The following LRRC20 variants were observed in gnomAD, a reference collection of about 807,000 sequenced individuals.
LRRC20 encodes the protein leucine rich repeat containing 20.
A neutral mutation model predicts 14.4 loss-of-function variants in LRRC20; 11 were observed. The ratio of observed to expected loss-of-function variants is 0.77; its 90% CI spans 0.48 to 1.27. The LOEUF (loss-of-function observed/expected upper bound fraction) is 1.27, where lower values mean the gene tolerates loss of function less well. Ranked by LOEUF, LRRC20 falls within the 50% of genes most tolerant of loss-of-function variation. The pLI is 0.00. For synonymous variants in LRRC20, 121 were observed against 107.3 expected (o/e 1.13, Z -0.79); for missense variants, 219 against 251.2 (o/e 0.87, Z 0.87).
chr10:70,328,809 T>G (rs963140064), intron 3 of LRRC20, among the ~76,000 whole-genome samples: 1 of 152,038 alleles, frequency 6.6e-6, no homozygotes, highest in Non-Finnish European at 1.5e-5. Flanking sequence ...TCCCAGCTAC[T>G]TGGGAGGCTG....
intron 2 of LRRC20, among the ~76,000 whole-genome samples, chr10:70,371,968 G>C (rs2170125): frequency 0.99 from 150,578 of 152,212 alleles, 74,506 homozygotes; most frequent in East Asian, 1. Context: ...GGGTTACTTG[G>C]CTGAGTAAGG....
intron 2 of LRRC20, among the ~76,000 whole-genome samples, chr10:70,347,540 C>T (rs1385699450): frequency 2.0e-5 from 3 of 152,196 alleles, no homozygotes; most frequent in East Asian, 1.9e-4. Flanking sequence ...ATACAAGTGC[C>T]GGGCACGGTG....
chr10:70,335,619 AG>A (rs1299007069), intron 3 of LRRC20, among the ~76,000 whole-genome samples: 1 of 152,094 alleles, frequency 6.6e-6, no homozygotes, highest in Non-Finnish European at 1.5e-5. Flanking sequence ...TCTCCCTGCT[AG>A]GATGCTTCTC....
intron 4 of LRRC20, among the ~76,000 whole-genome samples, chr10:70,304,496 A>ATATATATATATATATATATT (rs1841340159): frequency 9.4e-6 from 1 of 106,814 alleles, no homozygotes; most frequent in Non-Finnish European, 1.9e-5. Context: ...ATATATATAT[A>ATATATATATATATATATATT]TATATATATA....
chr10:70,333,835 G>A (rs377216282), intron 3 of LRRC20, among the ~76,000 whole-genome samples: 1 of 152,208 alleles, frequency 6.6e-6, no homozygotes, highest in South Asian at 2.1e-4. Flanking sequence ...TCCAGTGGTG[G>A]GTTGCACTGA....
Position 70,315,839 on chromosome 10 carries a change from C to T in LRRC20, c.400+8024G>A, listed in dbSNP as rs149089999. Among the ~76,000 whole-genome samples, 1,081 of 152,330 alleles carry T rather than the reference C, an allele frequency of 7.1e-3. 9 individuals carry two copies. The highest frequency in any genetic ancestry group is 0.018 in the South Asian group (85 of 4,830). The stretch of plus-strand genomic sequence containing the variant: ...ATAGATTTGAGGTATCCTCTCATGT[C>T]TTCGTTCAGTGACCCTATGATTAAA... On this transcript the variant is annotated intron_variant, in intron 4 of 4. Coordinates refer to ENST00000446961, the MANE Select transcript of LRRC20 (RefSeq NM_001278212.2).
chr10:70,321,316 C>T (rs927572019), intron 4 of LRRC20, among the ~76,000 whole-genome samples: 1 of 152,182 alleles, frequency 6.6e-6, no homozygotes, highest in African/African-American at 2.4e-5. Flanking sequence ...GCCCTACCTT[C>T]GTCGCTGTCA....
At chr10:70,339,463 A>G (rs1426380792) in intron 3 of LRRC20, among the ~76,000 whole-genome samples, 2 of 152,080 alleles carry the variant, frequency 1.3e-5, no homozygotes, top group African/African-American at 2.4e-5. Context: ...GGCAGGTGAG[A>G]GCGCAAGGAG....
In LRRC20 at chr10:70,335,221, C is replaced by A. The variant is rs529160306; in HGVS notation, c.232+5332G>T. Among the ~76,000 whole-genome samples the A allele has an allele frequency of 3.3e-4, 51 of 152,302 alleles. No individual in the cohort carries two copies. The South Asian group carries it at 8.3e-3, about 25-fold the overall frequency. ...AATCAGAGAAAATGAGCCACGAGCCCCAGGGAACTTCTCAACTCCACATTG... is the reference window on the plus strand; with the variant it reads ...AATCAGAGAAAATGAGCCACGAGCCACAGGGAACTTCTCAACTCCACATTG... On this transcript the variant is annotated intron_variant, in intron 3 of 4. Transcript: ENST00000446961.
In LRRC20 at chr10:70,331,939, C is replaced by G. The variant is rs1842552983; in HGVS notation, c.233-7909G>C. On this transcript the variant is annotated intron_variant, in intron 3 of 4. Coordinates refer to ENST00000446961, the MANE Select transcript of LRRC20 (RefSeq NM_001278212.2). ...CTGACTCAGAGGCCTTAGATTAACC[C>G]CAGCTGAGAGAGAAGCTTGCCAATT... is the stretch of plus-strand genomic sequence containing the variant. Among the ~76,000 whole-genome samples the G allele has an allele frequency of 2.0e-5, 3 of 152,336 alleles. No individual in the cohort carries two copies. The South Asian group carries it at 6.2e-4, about 32-fold the overall frequency.
intron 4 of LRRC20, among the ~76,000 whole-genome samples, chr10:70,318,789 T>C (rs1216992217): frequency 6.6e-6 from 1 of 151,818 alleles, no homozygotes; most frequent in Admixed American, 6.6e-5. Flanking sequence ...CTGTATTTAA[T>C]CAATTATTTT....
At chr10:70,344,567 C>T (rs114230216) in intron 2 of LRRC20, among the ~76,000 whole-genome samples, 10,174 of 152,070 alleles carry the variant, frequency 0.067, 1,159 homozygotes, top group African/African-American at 0.23. Context: ...TATTTATTTT[C>T]GTTTTGTTTT....
At chr10:70,350,024 G>A (rs1015009143) in intron 2 of LRRC20, among the ~76,000 whole-genome samples, 3 of 152,216 alleles carry the variant, frequency 2.0e-5, no homozygotes, top group Non-Finnish European at 4.4e-5. Flanking sequence ...ACCCCTCTGG[G>A]ACTCCCTCCT....
chr10:70,347,225 A>G (rs1396868547), intron 2 of LRRC20, among the ~76,000 whole-genome samples: 4 of 152,162 alleles, frequency 2.6e-5, no homozygotes. Context: ...GCTCTTCGTC[A>G]GTGAGGGAAA....
chr10:70,340,509 G>A, intron 3 of LRRC20, 44 bp downstream of exon 3: 1 of 1,611,930 alleles, frequency 6.2e-7, no homozygotes. Flanking sequence ...CCTGAACGAT[G>A]AGAGCTGGCC....
intron 4 of LRRC20, among the ~76,000 whole-genome samples, chr10:70,312,783 G>A (rs1841717733): frequency 6.6e-6 from 1 of 152,182 alleles, no homozygotes. Flanking sequence ...ATGATCTGTG[G>A]GGTGGGACCA....
intron 2 of LRRC20, among the ~76,000 whole-genome samples, chr10:70,356,512 T>C (rs1026131059): frequency 3.4e-5 from 5 of 145,376 alleles, no homozygotes; most frequent in Non-Finnish European, 7.6e-5. Context: ...CCAGACCTTT[T>C]GAGACTTTGT....
At chr10:70,365,746 G>A (rs1041205607) in intron 2 of LRRC20, among the ~76,000 whole-genome samples, 1 of 151,822 alleles carries the variant, frequency 6.6e-6, no homozygotes, top group Non-Finnish European at 1.5e-5. Context: ...TTTTTTAATG[G>A]GCAAAAGATT....
At position 70,340,648 on chromosome 10, in the gene LRRC20, C is replaced by T. The variant is rs1564629152; in HGVS notation, c.137G>A (p.Arg46Gln). ...GAGGTGGATCTGGCCAGAGACATTC[C>T]GCAGGACCTTGTAGATGCCAATGGG... ...SFPIGIYKVL[R>Q]NVSGQIHLIT... The change falls in exon 3 of 5, where the codon CGG becomes CAG. Residue 46 changes from arginine (R) to glutamine (Q), a missense_variant. Arg to Gln is a conservative substitution (Grantham distance 43, BLOSUM62 1). Coordinates refer to ENST00000446961, the MANE Select transcript of LRRC20 (RefSeq NM_001278212.2). 4.3e-6 allele frequency: 7 copies of T among 1,614,172 alleles called. No homozygotes were observed. The highest frequency in any genetic ancestry group is 5.9e-6 in the Non-Finnish European group (7 of 1,180,032).
Sources: allele counts gnomAD v4.1 joint callset (sites outside exome capture counted in the v4.1 genomes callset), GRCh38; gene constraint gnomAD v4.1.1; transcripts MANE v1.5; gene names NCBI Gene and HGNC (gene_info 2026-07-23, HGNC 2026-07-21).